The following ASPSCR1 variants were observed in gnomAD, a reference collection of about 807,000 sequenced individuals.
The protein encoded by ASPSCR1 is ASPSCR1 tether for SLC2A4, UBX domain containing, also known as tether containing UBX domain for GLUT4.
ASPSCR1 carries 55 observed loss-of-function variants against 68.9 expected under a neutral mutation model. The ratio of observed to expected loss-of-function variants is 0.80; its 90% CI spans 0.64 to 1.00. The LOEUF (loss-of-function observed/expected upper bound fraction) is 1.00, where lower values mean the gene tolerates loss of function less well. Among genes scored for constraint, ASPSCR1 ranks in the 50% least tolerant of loss-of-function variants. ASPSCR1 has a pLI of 0.00. For missense variants in ASPSCR1, 765 were observed against 762.2 expected, an observed-to-expected ratio of 1.00 and a Z score of -0.04; for synonymous variants, 352 against 332.6, an observed-to-expected ratio of 1.06 and a Z score of -0.63.
chr17:82,004,039 C>CT (rs1190425635), intron 7 of ASPSCR1, among the ~76,000 whole-genome samples: 1 of 152,236 alleles, frequency 6.6e-6, no homozygotes, highest in Non-Finnish European at 1.5e-5. Context: ...GCTGGAAACT[C>CT]TGAGGTTGGG....
At chr17:81,993,849 T>C (rs900932484) in intron 4 of ASPSCR1, among the ~76,000 whole-genome samples, 14 of 152,234 alleles carry the variant, frequency 9.2e-5, no homozygotes, top group Non-Finnish European at 1.8e-4. Flanking sequence ...ACACTGGCCA[T>C]AGGGCCTGGC....
chr17:81,987,289 C>T lies in ASPSCR1; in HGVS notation c.374+1682C>T, dbSNP rs1043377007. On this transcript the variant is annotated intron_variant, in intron 4 of 15. Transcript: ENST00000306739. This position sits in a 1 kb window ranked among gnomAD's most constrained non-coding sequence, Gnocchi z 5.6. ...GGGCAGGGAGGCAGGCAGCCCCAGG[C>T]GCTGTGTGGGCACTGGGTGAGAAGC... 1.6e-4 allele frequency among the ~76,000 whole-genome samples: 24 copies of T among 152,316 alleles called. No homozygotes were observed. In the South Asian group the frequency reaches 2.9e-3, roughly 18 times the overall value.
chr17:81,986,075 A>T lies in ASPSCR1; in HGVS notation c.374+468A>T, dbSNP rs1356884717. 1.3e-5 allele frequency among the ~76,000 whole-genome samples: 2 copies of T among 152,036 alleles called. No individual in the cohort carries two copies. The highest frequency in any genetic ancestry group is 1.9e-4 in the East Asian group (1 of 5,182). ...CATCTCAGCCTCCCAAAGCGTTGAG[A>T]TTACAGGTGTGAGCTCCTGTGCCCC... On this transcript the variant is annotated intron_variant, in intron 4 of 15. Coordinates refer to ENST00000306739, the MANE Select transcript of ASPSCR1 (RefSeq NM_024083.4). This position sits in a 1 kb window ranked among gnomAD's most constrained non-coding sequence, Gnocchi z 5.2.
chr17:82,011,372 G>A (rs1030476525), intron 10 of ASPSCR1, among the ~76,000 whole-genome samples, 171 bp from the exon 11 acceptor site: 13 of 152,180 alleles, frequency 8.5e-5, no homozygotes, highest in African/African-American at 1.9e-4. Context: ...AGTGTGGCCC[G>A]CACGGTGGCC....
chr17:81,994,018 A>G (rs983174804), intron 4 of ASPSCR1, among the ~76,000 whole-genome samples: 1 of 152,128 alleles, frequency 6.6e-6, no homozygotes, highest in African/African-American at 2.4e-5. Flanking sequence ...AGTGGGGAGG[A>G]TTTCACGGTG....
At chr17:82,015,165 G>A (rs1567998041) in intron 12 of ASPSCR1, 1 of 1,598,304 alleles carries the variant, frequency 6.3e-7, no homozygotes, top group Non-Finnish European at 8.5e-7. Flanking sequence ...CTTGCCAGTG[G>A]TAGGAGATGG....
chr17:82,015,002 G>C, intron 12 of ASPSCR1: 1 of 1,472,478 alleles, frequency 6.8e-7, no homozygotes, highest in Non-Finnish European at 9.0e-7. Context: ...CCCTCAGCCT[G>C]TGCCTCCCTC....
intron 7 of ASPSCR1, 143 bp from the exon 8 acceptor site, chr17:82,008,894 T>G (rs2042814044): frequency 8.3e-7 from 1 of 1,198,398 alleles, no homozygotes; most frequent in East Asian, 2.9e-5. Context: ...GGACCTGGCC[T>G]TGGCCCTGCG....
chr17:82,010,855 C>T lies in ASPSCR1; in HGVS notation c.1224C>T (p.Arg408=), dbSNP rs1391154499. Residue 408 remains arginine, a synonymous_variant, in exon 10 of 16, where the codon CGC becomes CGT. Coordinates refer to ENST00000306739, the MANE Select transcript of ASPSCR1 (RefSeq NM_024083.4). Reference sequence around the variant, plus strand: ...GCTACGTCCTACAGGGCTTCTTCCGCCCCAGCGAGACAGGTGGGCAGCGCT... The same window carrying T: ...GCTACGTCCTACAGGGCTTCTTCCGTCCCAGCGAGACAGGTGGGCAGCGCT... The part of the protein sequence containing the change: ...PDRYVLQGFF[R]PSETVGDLRD... 2 of 1,612,758 alleles carry T rather than the reference C, an allele frequency of 1.2e-6. No homozygotes were observed. Among genetic ancestry groups the T allele is most frequent in the East Asian group, 2.2e-5 (1 of 44,880 alleles).
chr17:81,977,839 G>A lies in ASPSCR1; in HGVS notation c.102+91G>A. ...TTGCGGTCGGCGTCCCGGTGTTCGG[G>A]GGCGGGGCCTCGGCGGCCAATGAGC... On this transcript the variant is annotated intron_variant, in intron 1 of 15. Coordinates refer to ENST00000306739, the MANE Select transcript of ASPSCR1 (RefSeq NM_024083.4). The surrounding 1 kb of genome is among the most constrained non-coding windows in gnomAD (Gnocchi z 5.0). 4.9e-6 allele frequency: 5 copies of A among 1,017,060 alleles called. No individual in the cohort carries two copies. The highest frequency in any genetic ancestry group is 3.8e-5 in the East Asian group (1 of 26,616). The allele number at this position is 1,017,060 out of a possible 1,614,324, so 63.0% of individuals were successfully genotyped here. A position where few individuals can be genotyped will look rare whatever the true frequency, so the allele number is the denominator to read the frequency against.
At chr17:82,009,325 C>A (rs943074619) in intron 8 of ASPSCR1, 134 bp downstream of exon 8, 3 of 1,402,990 alleles carry the variant, frequency 2.1e-6, no homozygotes, top group East Asian at 5.0e-5. Context: ...TTAACAGGAC[C>A]TCAGAGGGTT....
In ASPSCR1 at chr17:82,014,712, C is replaced by T. The variant is rs980248763; in HGVS notation, c.1354-1764C>T. ...GAGGGGGCGGCCAGGCGCTGGGCCA[C>T]GTGTGCATGCAGCCCCTACAGAGTT... is the stretch of plus-strand genomic sequence containing the variant. On this transcript the variant is annotated intron_variant, in intron 12 of 15. Transcript: ENST00000306739. 7.9e-5 allele frequency: 24 copies of T among 303,802 alleles called. No individual in the cohort carries two copies. In the Admixed American group the frequency reaches 8.2e-4, roughly 10 times the overall value. 18.8% of individuals were successfully genotyped at this position (303,802 alleles called of 1,614,324 possible).
intron 5 of ASPSCR1, 44 bp downstream of exon 5, chr17:81,994,922 G>A (rs1433049518): frequency 6.4e-7 from 1 of 1,564,056 alleles, no homozygotes; most frequent in Non-Finnish European, 8.7e-7. Context: ...CTCACTTTCA[G>A]CCCACTTTCC....
chr17:82,014,886 C>G, intron 12 of ASPSCR1: 1 of 725,502 alleles, frequency 1.4e-6, no homozygotes, highest in Middle Eastern at 4.0e-4. Flanking sequence ...TCCAGGCCCT[C>G]AGGCTGTGTC....
At chr17:81,993,504 C>T (rs1209308113) in intron 4 of ASPSCR1, among the ~76,000 whole-genome samples, 1 of 152,220 alleles carries the variant, frequency 6.6e-6, no homozygotes, top group Non-Finnish European at 1.5e-5. Flanking sequence ...TGAGCCACCG[C>T]GCCCGGCTGA....
chr17:81,991,160 A>G (rs954164365), intron 4 of ASPSCR1, among the ~76,000 whole-genome samples: 3 of 152,100 alleles, frequency 2.0e-5, no homozygotes, highest in African/African-American at 7.2e-5. Flanking sequence ...CTTTCTGTAA[A>G]TCAGATTCAT....
rs2042467181 is a variant in ASPSCR1 at position 81,999,742 on chromosome 17, C to G, written c.933+2896C>G. Among the ~76,000 whole-genome samples, 2 of 152,170 alleles carry G rather than the reference C, an allele frequency of 1.3e-5. No homozygotes were observed. The highest frequency in any genetic ancestry group is 2.1e-4 in the South Asian group (1 of 4,822). ...ACGTGTCCCGGAACTCAGGTGAGGT[C>G]AGGAGTTTGCTTCCTCCTCCTCTGG... On this transcript the variant is annotated intron_variant, in intron 7 of 15. Transcript: ENST00000306739. The surrounding 1 kb of genome is among the most constrained non-coding windows in gnomAD (Gnocchi z 4.4).
intron 7 of ASPSCR1, among the ~76,000 whole-genome samples, chr17:82,000,294 C>T (rs1041435093): frequency 2.8e-4 from 43 of 152,238 alleles, no homozygotes; most frequent in African/African-American, 1.0e-3. Context: ...CGCCCGTGCT[C>T]GCCCGTCGGG....
chr17:82,000,790 G>A (rs934293897), intron 7 of ASPSCR1, among the ~76,000 whole-genome samples: 3 of 152,218 alleles, frequency 2.0e-5, no homozygotes, highest in Non-Finnish European at 4.4e-5. Flanking sequence ...ACCGGGCGCT[G>A]GGAGAGGCTG....
Sources: allele counts gnomAD v4.1 joint callset (sites outside exome capture counted in the v4.1 genomes callset), GRCh38; gene constraint gnomAD v4.1.1; non-coding constraint Gnocchi (gnomAD v3.1); transcripts MANE v1.5; gene names NCBI Gene and HGNC (gene_info 2026-07-23, HGNC 2026-07-21).